EPHA6: variants seen among roughly 807,000 people sequenced by gnomAD.
The protein encoded by EPHA6 is ephrin type-A receptor 6.
Under a neutral mutation model 112.0 loss-of-function variants are expected in EPHA6, and 50 were observed. The ratio of observed to expected loss-of-function variants is 0.45; its 90% confidence interval spans 0.36 to 0.56. EPHA6 has a LOEUF of 0.56. EPHA6 is among the 20% of genes least tolerant of loss of function. The probability of loss-of-function intolerance (pLI) is 0.00; values close to 1 mark genes in which losing one functional copy is unlikely to be tolerated. For synonymous variants in EPHA6, 529 were observed against 490.7 expected (o/e 1.08, Z -1.03); for missense variants, 1,280 against 1,417.4 (o/e 0.90, Z 1.56).
At chr3:96,877,264 A>G (rs2037018891) in intron 2 of EPHA6, among the ~76,000 whole-genome samples, 1 of 152,086 alleles carries the variant, frequency 6.6e-6, no homozygotes, top group Admixed American at 6.6e-5. Context: ...TAGAAAGTGT[A>G]TACATTTGCT....
chr3:96,919,206 A>T (rs75421754), intron 2 of EPHA6, among the ~76,000 whole-genome samples: 4,232 of 152,000 alleles, frequency 0.028, 200 homozygotes, highest in African/African-American at 0.094. Context: ...TTGTATTTTT[A>T]TGTTAATATC....
rs1451576055 is a variant in EPHA6, at chr3:97,328,052, CACATAT to C, written c.1607-77096_1607-77091del. 1.4e-3 allele frequency among the ~76,000 whole-genome samples: 82 copies of C among 57,002 alleles called. 4 individuals are homozygous for C. Among genetic ancestry groups the C allele is most frequent in the African/African-American group, 7.0e-3 (81 of 11,624 alleles). The allele number at this position is 57,002 out of a possible 152,430, so 37.4% of individuals were successfully genotyped here. On this transcript the variant is annotated intron_variant, in intron 5 of 17. Transcript: ENST00000389672. ...ATGTGTATATATACACACATATATA[CACATAT>C]ATATATATATATATATATATAACCT... is the stretch of plus-strand genomic sequence containing the variant.
intron 10 of EPHA6, among the ~76,000 whole-genome samples, chr3:97,496,575 T>C (rs2091982777): frequency 6.6e-6 from 1 of 152,134 alleles, no homozygotes; most frequent in African/African-American, 2.4e-5. Flanking sequence ...AAGCCATACT[T>C]CTATAAGAAT....
chr3:97,236,860 G>A (rs931667919), intron 4 of EPHA6, among the ~76,000 whole-genome samples: 1 of 152,054 alleles, frequency 6.6e-6, no homozygotes, highest in Admixed American at 6.6e-5. Flanking sequence ...TGTAGTTGGA[G>A]AAGTATTCTT....
At chr3:96,853,731 T>C (rs2035529696) in intron 1 of EPHA6, among the ~76,000 whole-genome samples, 1 of 152,044 alleles carries the variant, frequency 6.6e-6, no homozygotes, top group Non-Finnish European at 1.5e-5. Flanking sequence ...CATTTTTTTT[T>C]CCTGCTCTTT....
chr3:97,411,342 T>A (rs2107121560), intron 6 of EPHA6, among the ~76,000 whole-genome samples: 1 of 152,118 alleles, frequency 6.6e-6, no homozygotes, highest in Middle Eastern at 3.4e-3. Context: ...CACAGCAGCA[T>A]CTGTATGGTA....
chr3:97,129,520 A>AAC (rs2108323082), intron 3 of EPHA6, among the ~76,000 whole-genome samples: 1 of 150,076 alleles, frequency 6.7e-6, no homozygotes, highest in African/African-American at 2.4e-5. Context: ...AAAACAAACA[A>AAC]AAAAAAAAAC....
intron 3 of EPHA6, among the ~76,000 whole-genome samples, chr3:97,222,484 G>A (rs2078237101): frequency 6.6e-6 from 1 of 152,086 alleles, no homozygotes; most frequent in Non-Finnish European, 1.5e-5. Flanking sequence ...TTTGCATTAG[G>A]AGTAATATCC....
chr3:97,267,166 A>G (rs954697468), intron 5 of EPHA6, among the ~76,000 whole-genome samples: 4 of 152,156 alleles, frequency 2.6e-5, no homozygotes, highest in African/African-American at 9.6e-5. Context: ...CATTCTGCTG[A>G]GTTGAAAAAG....
chr3:97,394,261 A>G (rs1051150443), intron 5 of EPHA6, among the ~76,000 whole-genome samples: 1 of 151,892 alleles, frequency 6.6e-6, no homozygotes, highest in African/African-American at 2.4e-5. Flanking sequence ...ACCACTTAAT[A>G]AAGTCAACTT....
chr3:97,720,491 A>C (rs2034477033), intron 15 of EPHA6, 81 bp downstream of exon 15: 1 of 1,309,752 alleles, frequency 7.6e-7, no homozygotes, highest in Non-Finnish European at 1.0e-6. Context: ...TTTTGTCCTC[A>C]CTCAGATTGG....
chr3:97,310,897 C>T (rs2081528681), intron 5 of EPHA6, among the ~76,000 whole-genome samples: 1 of 151,640 alleles, frequency 6.6e-6, no homozygotes, highest in African/African-American at 2.4e-5. Flanking sequence ...TTACAAAAAT[C>T]CATGTTCTTT....
At chr3:97,683,651 A>G (rs938635873) in intron 14 of EPHA6, among the ~76,000 whole-genome samples, 2 of 152,156 alleles carry the variant, frequency 1.3e-5, no homozygotes, top group Non-Finnish European at 2.9e-5. Context: ...TCCCTGAAGC[A>G]TGGCAAGTCT....
At chr3:97,189,961 C>T (rs756324846) in intron 3 of EPHA6, among the ~76,000 whole-genome samples, 1 of 150,158 alleles carries the variant, frequency 6.7e-6, no homozygotes, top group Non-Finnish European at 1.5e-5. Flanking sequence ...TAGTTGGTAA[C>T]AGTGTATTGG....
chr3:97,290,420 T>C, intron 5 of EPHA6, among the ~76,000 whole-genome samples: 1 of 152,276 alleles, frequency 6.6e-6, no homozygotes, highest in East Asian at 1.9e-4. Flanking sequence ...CTGTGGCTGA[T>C]GGGTGGAGTT....
intron 2 of EPHA6, among the ~76,000 whole-genome samples, chr3:96,976,357 A>G (rs1352804790): frequency 6.6e-6 from 1 of 152,082 alleles, no homozygotes; most frequent in Non-Finnish European, 1.5e-5. Flanking sequence ...TCCTTTGAAC[A>G]CTTACTATAT....
chr3:97,541,572 C>A (rs963768738), intron 11 of EPHA6, among the ~76,000 whole-genome samples: 4 of 152,106 alleles, frequency 2.6e-5, no homozygotes, highest in African/African-American at 9.7e-5. Context: ...GGATCCCACA[C>A]TGCATTTTGT....
intron 2 of EPHA6, among the ~76,000 whole-genome samples, chr3:96,932,310 T>A (rs1040787147): frequency 3.3e-5 from 5 of 152,230 alleles, no homozygotes; most frequent in Non-Finnish European, 5.9e-5. Context: ...TCTTGGCCCC[T>A]CCATGCAATT....
intron 2 of EPHA6, among the ~76,000 whole-genome samples, chr3:96,922,669 A>C (rs1375289666): frequency 6.6e-6 from 1 of 152,052 alleles, no homozygotes; most frequent in Non-Finnish European, 1.5e-5. Flanking sequence ...TTTGAAGTTC[A>C]GGGCTATGTG....
Sources: allele counts gnomAD v4.1 joint callset (sites outside exome capture counted in the v4.1 genomes callset), GRCh38; gene constraint gnomAD v4.1.1; transcripts MANE v1.5; gene names NCBI Gene and HGNC (gene_info 2026-07-23, HGNC 2026-07-21).